The following WHAMM variants were observed in gnomAD, a reference collection of about 807,000 sequenced individuals.
The protein encoded by WHAMM is WASP homolog associated with actin, golgi membranes and microtubules, also known as WASP homolog-associated protein with actin, membranes and microtubules.
WHAMM carries 67 observed loss-of-function variants against 76.5 expected under a neutral mutation model. The observed-to-expected ratio is 0.88, with a 90% CI of 0.72 to 1.07. The LOEUF is 1.07. Among genes scored for constraint, WHAMM ranks in the 50% least tolerant of loss-of-function variants. The probability of loss-of-function intolerance (pLI) is 0.00; values close to 1 mark genes in which losing one functional copy is unlikely to be tolerated. For synonymous variants in WHAMM, 419 were observed against 422.1 expected (o/e 0.99, Z 0.09); for missense variants, 1,021 against 1,051.1 (o/e 0.97, Z 0.40).
chr15:82,830,889 T>TCCACCA lies in WHAMM; in HGVS notation c.1941_1946dup (p.Pro657_Pro658dup). The TCCACCA allele has an allele frequency of 6.4e-7, 1 of 1,572,200 alleles. No individual in the cohort carries two copies. On this transcript the variant is annotated inframe_insertion, in exon 9 of 10. Coordinates refer to ENST00000286760, the MANE Select transcript of WHAMM (RefSeq NM_001080435.3). ...TGTCACTGCCACCACCTCCTCCTCC[T>TCCACCA]CCACCACCACCACCGCCGCCACCGC...
At chr15:82,812,782 G>A (rs994409210) in intron 1 of WHAMM, among the ~76,000 whole-genome samples, 12 of 151,974 alleles carry the variant, frequency 7.9e-5, no homozygotes, top group African/African-American at 2.7e-4. Context: ...CTCTGCCTCA[G>A]CCTCCCCAGC....
intron 8 of WHAMM, among the ~76,000 whole-genome samples, chr15:82,827,117 C>G (rs1184896724): frequency 6.6e-6 from 1 of 152,306 alleles, no homozygotes; most frequent in East Asian, 1.9e-4. Flanking sequence ...CTAACTGGCA[C>G]TGGTGGTTTA....
intron 5 of WHAMM, among the ~76,000 whole-genome samples, chr15:82,821,402 T>A (rs183593035): frequency 5.9e-5 from 9 of 152,376 alleles, no homozygotes; most frequent in African/African-American, 1.9e-4. Context: ...AATTCTTTAG[T>A]CCAGGTGGAA....
Position 82,820,383 on chromosome 15 carries a change from G to A in WHAMM, c.1270+895G>A, listed in dbSNP as rs968765248. On this transcript the variant is annotated intron_variant, in intron 5 of 9. Coordinates refer to ENST00000286760, the MANE Select transcript of WHAMM (RefSeq NM_001080435.3). ...TTCAGGTGTTTTGAACAGTAGTGTA[G>A]TGAACTTTACACATGTCTTTGAGTA... Among the ~76,000 whole-genome samples the A allele has an allele frequency of 9.2e-5, 14 of 152,228 alleles. 1 individual carries two copies. Among genetic ancestry groups the A allele is most frequent in the Admixed American group, 7.2e-4 (11 of 15,290 alleles).
chr15:82,809,703 C>T lies in WHAMM; in HGVS notation c.-24C>T, dbSNP rs1377491847. Reference sequence around the variant, plus strand: ...AGGCCAGGCCCGCGCCCGCCGAGCCCTAGGGCCGCTGCTGCCGACAGCCAT... The same window carrying T: ...AGGCCAGGCCCGCGCCCGCCGAGCCTTAGGGCCGCTGCTGCCGACAGCCAT... On this transcript the variant is annotated 5_prime_UTR_variant, in exon 1 of 10. Transcript: ENST00000286760. The T allele has an allele frequency of 3.6e-6, 5 of 1,389,256 alleles. No homozygotes were observed. Among genetic ancestry groups the T allele is most frequent in the East Asian group, 5.7e-5 (2 of 34,840 alleles). The allele number at this position is 1,389,256 out of a possible 1,614,324, so 86.1% of individuals were successfully genotyped here. A position where few individuals can be genotyped will look rare whatever the true frequency, so the allele number is the denominator to read the frequency against.
Position 82,809,916 on chromosome 15 carries a change from G to A in WHAMM, c.190G>A (p.Glu64Lys), listed in dbSNP as rs1474375677. The A allele has an allele frequency of 1.3e-6, 2 of 1,515,164 alleles. No homozygotes were observed. The highest frequency in any genetic ancestry group is 1.8e-6 in the Non-Finnish European group (2 of 1,127,994). The allele number at this position is 1,515,164 out of a possible 1,614,324, so 93.9% of individuals were successfully genotyped here. ...GCGCGAGGGGGCCCGGTTGGGGCCC[G>A]AGCCCGAGCCCAAGCCTGAGGCCGC... ...RLREGARLGPEPEPKPEAAVS... is the reference protein window; with the variant it reads ...RLREGARLGPKPEPKPEAAVS... Residue 64 changes from glutamate (E) to lysine (K), a missense_variant, in exon 1 of 10, where the codon GAG becomes AAG. Around this residue, in one of 3 missense-constraint regions of WHAMM, gnomAD observed 501 missense variants for 524.9 expected, o/e 0.95. Coordinates refer to ENST00000286760, the MANE Select transcript of WHAMM (RefSeq NM_001080435.3).
rs552543165 is a variant in WHAMM at position 82,812,925 on chromosome 15, A to G, written c.610-178A>G. ...TGGATATATCATACTTTTCTTAACC[A>G]TTCTTGTTTTATTGGGCATTTTTGA... is the stretch of plus-strand genomic sequence containing the variant. On this transcript the variant is annotated intron_variant, in intron 1 of 9. Coordinates refer to ENST00000286760, the MANE Select transcript of WHAMM (RefSeq NM_001080435.3). Among the ~76,000 whole-genome samples, 3 of 152,246 alleles carry G rather than the reference A, an allele frequency of 2.0e-5. No homozygotes were observed. In the East Asian group the frequency reaches 5.8e-4, roughly 29 times the overall value.
In WHAMM at chr15:82,834,583, A is replaced by G. The variant is rs952567066; in HGVS notation, c.*1047A>G. 2 of 152,678 alleles carry G rather than the reference A, an allele frequency of 1.3e-5. No homozygotes were observed. Among genetic ancestry groups the G allele is most frequent in the Admixed American group, 6.5e-5 (1 of 15,292 alleles). The allele number at this position is 152,678 out of a possible 1,614,324, so 9.5% of individuals were successfully genotyped here. ...CTGTGGCCTTCTGTGCATATGGAATAATGATTTCTCAGATTTGTAGGCTTG... is the reference window on the plus strand; with the variant it reads ...CTGTGGCCTTCTGTGCATATGGAATGATGATTTCTCAGATTTGTAGGCTTG... On this transcript the variant is annotated 3_prime_UTR_variant, in exon 10 of 10. Transcript: ENST00000286760.
rs981729868 is a variant in WHAMM, at chr15:82,810,660, C to A, written c.609+325C>A. 4 of 985,298 alleles carry A rather than the reference C, an allele frequency of 4.1e-6. No individual in the cohort carries two copies. In the African/African-American group the frequency reaches 7.0e-5, roughly 17 times the overall value. 61.0% of individuals were successfully genotyped at this position (985,298 alleles called of 1,614,324 possible). A position where few individuals can be genotyped will look rare whatever the true frequency, so the allele number is the denominator to read the frequency against. On this transcript the variant is annotated intron_variant, in intron 1 of 9. Coordinates refer to ENST00000286760, the MANE Select transcript of WHAMM (RefSeq NM_001080435.3). Reference sequence around the variant, plus strand: ...CAGGAAATGCCAGAAATATTGCAAGCAAGACTGAAAACAACCCATCCATGT... The same window carrying A: ...CAGGAAATGCCAGAAATATTGCAAGAAAGACTGAAAACAACCCATCCATGT...
intron 4 of WHAMM, among the ~76,000 whole-genome samples, 179 bp downstream of exon 4, chr15:82,818,268 T>G (rs1318536469): frequency 2.0e-5 from 3 of 152,222 alleles, no homozygotes; most frequent in Non-Finnish European, 2.9e-5. Context: ...TAAATATTTC[T>G]CATCCCCCCT....
intron 5 of WHAMM, among the ~76,000 whole-genome samples, chr15:82,819,855 T>G (rs192838290): frequency 1.3e-5 from 2 of 152,076 alleles, no homozygotes. Flanking sequence ...TACTAAACCC[T>G]GTCTCTACTA....
intron 6 of WHAMM, among the ~76,000 whole-genome samples, 199 bp from the exon 7 acceptor site, chr15:82,826,211 G>A (rs186332297): frequency 3.3e-4 from 51 of 152,298 alleles, no homozygotes; most frequent in Non-Finnish European, 2.2e-4. Flanking sequence ...CACTCTGCTG[G>A]GAACAAATTA....
At chr15:82,817,552 G>C (rs2050746731) in intron 3 of WHAMM, among the ~76,000 whole-genome samples, 1 of 152,068 alleles carries the variant, frequency 6.6e-6, no homozygotes, top group African/African-American at 2.4e-5. Flanking sequence ...AAGAGTTTCT[G>C]ATACATTGTG....
chr15:82,825,659 G>A (rs983134815), intron 6 of WHAMM, among the ~76,000 whole-genome samples: 1 of 151,950 alleles, frequency 6.6e-6, no homozygotes, highest in Non-Finnish European at 1.5e-5. Flanking sequence ...GGCTAGTGCG[G>A]CACCCGTAAT....
chr15:82,813,383 C>G, intron 2 of WHAMM, 107 bp downstream of exon 2: 1 of 1,078,026 alleles, frequency 9.3e-7, no homozygotes, highest in Non-Finnish European at 1.3e-6. Context: ...TTTGGGTTTA[C>G]CATTATGTTT....
In WHAMM at chr15:82,818,100, GATAAAC is replaced by G. The variant is rs1413770734; in HGVS notation, c.1104+16_1104+21del. 1.3e-6 allele frequency: 2 copies of G among 1,532,468 alleles called. No individual in the cohort carries two copies. Among genetic ancestry groups the G allele is most frequent in the Admixed American group, 2.1e-5 (1 of 48,128 alleles). The allele number at this position is 1,532,468 out of a possible 1,614,324, so 94.9% of individuals were successfully genotyped here. On this transcript the variant is annotated intron_variant, in intron 4 of 9. Coordinates refer to ENST00000286760, the MANE Select transcript of WHAMM (RefSeq NM_001080435.3). ...GAAATTCAGGGAAAGGTAAGACAAA[GATAAAC>G]ATAACTTTGTTTTAAAAATACACTT...
chr15:82,830,470 CAAG>C (rs1312395627), intron 8 of WHAMM, 126 bp from the exon 9 acceptor site: 5 of 1,396,416 alleles, frequency 3.6e-6, no homozygotes, highest in African/African-American at 2.9e-5. Context: ...GCTGTACAAA[CAAG>C]GAGTCACTTT....
At chr15:82,815,111 TTATATATATATATATATATA>T (rs147147568) in intron 2 of WHAMM, among the ~76,000 whole-genome samples, 824 of 49,618 alleles carry the variant, frequency 0.017, 44 homozygotes, top group African/African-American at 0.062. Flanking sequence ...CTCACAGATT[TTATATATATATATATATATA>T]TATATATATA....
intron 3 of WHAMM, 129 bp downstream of exon 3, chr15:82,816,971 TAA>T (rs2050737598): frequency 2.2e-6 from 2 of 914,594 alleles, no homozygotes; most frequent in Non-Finnish European, 1.6e-6. Context: ...TGTCAAGCGT[TAA>T]GAGACGTTGT....
Sources: gnomAD v4.1 joint callset for allele counts (sites outside exome capture counted in the v4.1 genomes callset) on GRCh38, gnomAD v4.1.1 for gene constraint, gnomAD v4.1.1 regional missense constraint, MANE v1.5 for transcripts, NCBI Gene and HGNC (gene_info 2026-07-23, HGNC 2026-07-21) for gene names.